DRG1: variants seen among roughly 807,000 people sequenced by gnomAD.
DRG1 encodes the protein developmentally-regulated GTP-binding protein 1.
Under a neutral mutation model 38.8 loss-of-function variants are expected in DRG1, and 19 were observed. The observed-to-expected ratio is 0.49, with a 90% CI of 0.34 to 0.72. The LOEUF is 0.72. Among genes scored for constraint, DRG1 ranks in the 30% least tolerant of loss-of-function variants. The pLI is 0.01. For synonymous variants in DRG1, 167 were observed against 157.5 expected, an observed-to-expected ratio of 1.06 and a Z score of -0.45; for missense variants, 299 against 444.8, an observed-to-expected ratio of 0.67 and a Z score of 2.95.
At chr22:31,411,943 C>CT (rs1265046444) in intron 4 of DRG1, among the ~76,000 whole-genome samples, 2 of 151,780 alleles carry the variant, frequency 1.3e-5, no homozygotes, top group African/African-American at 2.4e-5. Context: ...ATAGTTAGAA[C>CT]TTTTTTTTGT....
intron 8 of DRG1, among the ~76,000 whole-genome samples, chr22:31,430,475 C>T (rs1418221998): frequency 6.6e-6 from 1 of 151,734 alleles, no homozygotes; most frequent in Non-Finnish European, 1.5e-5. Flanking sequence ...TCTCCGCTCA[C>T]TGCAAGCTCT....
At chr22:31,418,655 C>T (rs1272166433) in intron 4 of DRG1, among the ~76,000 whole-genome samples, 1 of 150,908 alleles carries the variant, frequency 6.6e-6, no homozygotes, top group Non-Finnish European at 1.5e-5. Flanking sequence ...TTACAGGTGT[C>T]CACTACCATG....
At chr22:31,415,936 C>G (rs191968688) in intron 4 of DRG1, among the ~76,000 whole-genome samples, 145 of 152,174 alleles carry the variant, frequency 9.5e-4, no homozygotes, top group Non-Finnish European at 1.4e-3. Flanking sequence ...TGCCTTGTCT[C>G]TAACATTATA....
intron 3 of DRG1, among the ~76,000 whole-genome samples, chr22:31,403,860 G>A (rs1188409629): frequency 6.6e-6 from 1 of 152,012 alleles, no homozygotes; most frequent in Non-Finnish European, 1.5e-5. Flanking sequence ...CTGGGATCCC[G>A]TGTCCAAATG....
chr22:31,403,213 A>C lies in DRG1; in HGVS notation c.342+9A>C. 6.3e-7 allele frequency: 1 copy of C among 1,597,752 alleles called. No individual in the cohort carries two copies. Among genetic ancestry groups the C allele is most frequent in the Non-Finnish European group, 8.5e-7 (1 of 1,172,852 alleles). ...AAGGTGCCAAGATCCAGGTGAGTCA[A>C]GCCTGCAGACTAAGGAAGGAAAGAA... is the stretch of plus-strand genomic sequence containing the variant. On this transcript the variant is annotated intron_variant, in intron 3 of 8. Coordinates refer to ENST00000331457, the MANE Select transcript of DRG1 (RefSeq NM_004147.4).
chr22:31,427,226 AC>A, intron 8 of DRG1, 44 bp downstream of exon 8: 1 of 1,599,866 alleles, frequency 6.3e-7, no homozygotes, highest in Non-Finnish European at 8.5e-7. Context: ...CCTATGAGTT[AC>A]CAATTTTACT....
chr22:31,434,377 C>G lies in DRG1; in HGVS notation c.*406C>G, dbSNP rs891332402. 13 of 184,192 alleles carry G rather than the reference C, an allele frequency of 7.1e-5. No individual in the cohort carries two copies. Among genetic ancestry groups the G allele is most frequent in the Non-Finnish European group, 3.4e-5 (3 of 88,844 alleles). 11.4% of individuals were successfully genotyped at this position (184,192 alleles called of 1,614,324 possible). A position where few individuals can be genotyped will look rare whatever the true frequency, so the allele number is the denominator to read the frequency against. ...TCCAAACTAGATATGGCTTTCAGTC[C>G]TTTCAAGTAGTCTTTCCCACATGAT... On this transcript the variant is annotated 3_prime_UTR_variant, in exon 9 of 9. Transcript: ENST00000331457.
chr22:31,428,059 C>G (rs1366516023), intron 8 of DRG1, among the ~76,000 whole-genome samples: 2 of 152,070 alleles, frequency 1.3e-5, no homozygotes, highest in Admixed American at 6.6e-5. Context: ...GCTTTGTTTC[C>G]CAGGCTGGTC....
At position 31,414,034 on chromosome 22, in the gene DRG1, A is replaced by G. The variant is rs1601528704; in HGVS notation, c.412+2953A>G. Among the ~76,000 whole-genome samples, 7 of 152,242 alleles carry G rather than the reference A, an allele frequency of 4.6e-5. No homozygotes were observed. In the South Asian group the frequency reaches 1.5e-3, roughly 32 times the overall value. The stretch of plus-strand genomic sequence containing the variant: ...CAGTTGATCACTCCATCCTTGGAGT[A>G]TTTGCTTTACCTGATCTCTGACACC... On this transcript the variant is annotated intron_variant, in intron 4 of 8. Coordinates refer to ENST00000331457, the MANE Select transcript of DRG1 (RefSeq NM_004147.4).
intron 2 of DRG1, 25 bp downstream of exon 2, chr22:31,400,768 T>C (rs1305775895): frequency 9.4e-6 from 15 of 1,596,464 alleles, no homozygotes; most frequent in African/African-American, 1.3e-5. Flanking sequence ...TCAATATATA[T>C]ATTTTTAGGT....
Position 31,433,996 on chromosome 22 carries a change from G to A in DRG1, c.*25G>A, listed in dbSNP as rs149310218. 103 of 1,604,322 alleles carry A rather than the reference G, an allele frequency of 6.4e-5. No individual in the cohort carries two copies. In the African/African-American group the frequency reaches 6.6e-4, roughly 10 times the overall value. ...AAACCTTTCCCTTTTCCCATCTGCCGGACGAACCACAACAGCGTTCCCCAT... is the reference window on the plus strand; with the variant it reads ...AAACCTTTCCCTTTTCCCATCTGCCAGACGAACCACAACAGCGTTCCCCAT... On this transcript the variant is annotated 3_prime_UTR_variant, in exon 9 of 9. Coordinates refer to ENST00000331457, the MANE Select transcript of DRG1 (RefSeq NM_004147.4).
At chr22:31,400,495 ACT>A in intron 1 of DRG1, 123 bp from the exon 2 acceptor site, 4 of 1,228,862 alleles carry the variant, frequency 3.3e-6, no homozygotes, top group Non-Finnish European at 4.5e-6. Context: ...ATGGACTTTT[ACT>A]CTTTTAAAGC....
At chr22:31,420,212 G>A (rs758030539) in intron 4 of DRG1, 44 bp from the exon 5 acceptor site, 1 of 1,598,124 alleles carries the variant, frequency 6.3e-7, no homozygotes, top group Admixed American at 1.7e-5. Flanking sequence ...GTTAGTTAAG[G>A]CTTTATTGAA....
chr22:31,401,583 CAAAAAAAA>C (rs951167073), intron 2 of DRG1, among the ~76,000 whole-genome samples: 1 of 53,750 alleles, frequency 1.9e-5, no homozygotes, highest in East Asian at 4.0e-4. Context: ...GACTCTGTCT[CAAAAAAAA>C]AAAAAAAAAA....
chr22:31,430,403 T>C (rs1214242978), intron 8 of DRG1, among the ~76,000 whole-genome samples: 1 of 151,784 alleles, frequency 6.6e-6, no homozygotes. Context: ...AATTTTTTTT[T>C]TTTTTTCTTT....
At chr22:31,411,450 T>A (rs978900946) in intron 4 of DRG1, among the ~76,000 whole-genome samples, 5 of 152,148 alleles carry the variant, frequency 3.3e-5, no homozygotes, top group Admixed American at 6.6e-5. Context: ...GTCTACTTTT[T>A]TGGGATGTTT....
At position 31,413,609 on chromosome 22, in the gene DRG1, G is replaced by GTTTTTT. The variant is rs35654476; in HGVS notation, c.412+2546_412+2551dup. Among the ~76,000 whole-genome samples the GTTTTTT allele has an allele frequency of 2.9e-3, 178 of 60,482 alleles. 10 individuals are homozygous for GTTTTTT. The highest frequency in any genetic ancestry group is 3.5e-3 in the Non-Finnish European group (120 of 34,240). The allele number at this position is 60,482 out of a possible 152,430, so 39.7% of individuals were successfully genotyped here. A position where few individuals can be genotyped will look rare whatever the true frequency, so the allele number is the denominator to read the frequency against. On this transcript the variant is annotated intron_variant, in intron 4 of 8. Transcript: ENST00000331457. Reference sequence around the variant, plus strand: ...TCTCTTAGACTCCTACCTATTGTGGGTTTTTTTTTTTTTTTTTTTTTTTGA... The same window carrying GTTTTTT: ...TCTCTTAGACTCCTACCTATTGTGGGTTTTTTTTTTTTTTTTTTTTTTTTTTTTTGA...
chr22:31,414,581 T>C (rs931729745), intron 4 of DRG1, among the ~76,000 whole-genome samples: 4 of 152,256 alleles, frequency 2.6e-5, no homozygotes, highest in African/African-American at 9.6e-5. Context: ...TTTTTCCCTT[T>C]CATCCCGCAC....
At chr22:31,413,077 C>A (rs2050026265) in intron 4 of DRG1, among the ~76,000 whole-genome samples, 1 of 151,888 alleles carries the variant, frequency 6.6e-6, no homozygotes, top group African/African-American at 2.4e-5. Flanking sequence ...TGCTGGACTT[C>A]TGGGTTTATA....
Sources: allele counts gnomAD v4.1 joint callset (sites outside exome capture counted in the v4.1 genomes callset), GRCh38; gene constraint gnomAD v4.1.1; transcripts MANE v1.5; gene names NCBI Gene and HGNC (gene_info 2026-07-23, HGNC 2026-07-21).